Variants in CDH12 observed in about 807,000 individuals in gnomAD.
The protein encoded by CDH12 is cadherin 12.
CDH12 carries 41 observed loss-of-function variants against 74.1 expected under a neutral mutation model. That is an observed-to-expected ratio of 0.55 (90% confidence interval 0.43 to 0.72). CDH12 has a LOEUF of 0.72. Ranked by LOEUF, CDH12 falls within the 30% of genes least tolerant of loss-of-function variation. The pLI, the probability that CDH12 is intolerant of heterozygous loss-of-function variation, is 0.00. For missense variants in CDH12, 945 were observed against 977.2 expected, an observed-to-expected ratio of 0.97 and a Z score of 0.44; for synonymous variants, 399 against 355.0, an observed-to-expected ratio of 1.12 and a Z score of -1.39.
chr5:22,435,810 G>A (rs1561402425), intron 2 of CDH12, among the ~76,000 whole-genome samples: 3 of 152,040 alleles, frequency 2.0e-5, no homozygotes, highest in South Asian at 4.2e-4. Flanking sequence ...CTCCCAGATC[G>A]ATAAACTGGC....
chr5:22,072,294 T>A (rs1255977440), intron 5 of CDH12, among the ~76,000 whole-genome samples: 1 of 152,138 alleles, frequency 6.6e-6, no homozygotes, highest in African/African-American at 2.4e-5. Context: ...TCTAAGTAGT[T>A]GGCTTTACAC....
intron 1 of CDH12, among the ~76,000 whole-genome samples, chr5:22,515,796 A>C (rs1212554638): frequency 2.0e-5 from 3 of 152,154 alleles, no homozygotes; most frequent in Non-Finnish European, 4.4e-5. Context: ...TCAAAGTGTA[A>C]GACTGTTGAT....
chr5:21,825,960 G>T (rs1579776961), intron 8 of CDH12, among the ~76,000 whole-genome samples: 1 of 152,080 alleles, frequency 6.6e-6, no homozygotes, highest in East Asian at 1.9e-4. Flanking sequence ...AAATGCTTTA[G>T]CCCAGGGACC....
At chr5:22,137,323 T>C (rs990921993) in intron 4 of CDH12, among the ~76,000 whole-genome samples, 3 of 152,040 alleles carry the variant, frequency 2.0e-5, no homozygotes, top group Non-Finnish European at 4.4e-5. Context: ...AGCTTTGTCT[T>C]ATAGTTATAA....
At chr5:22,343,311 CAG>C (rs1491171893) in intron 3 of CDH12, among the ~76,000 whole-genome samples, 33,973 of 122,136 alleles carry the variant, frequency 0.28, 4,561 homozygotes, top group Non-Finnish European at 0.3. Flanking sequence ...CACACACACA[CAG>C]ACACACACAC....
chr5:22,135,157 A>G (rs1746383665), intron 4 of CDH12, among the ~76,000 whole-genome samples: 1 of 150,498 alleles, frequency 6.6e-6, no homozygotes, highest in Non-Finnish European at 1.5e-5. Flanking sequence ...GGATGCTGTG[A>G]GACTGTTTAA....
intron 5 of CDH12, among the ~76,000 whole-genome samples, chr5:22,010,965 CA>C: frequency 6.6e-6 from 1 of 151,966 alleles, no homozygotes; most frequent in Non-Finnish European, 1.5e-5. Flanking sequence ...TCCCTCTGAG[CA>C]AAGGTGAGAT....
intron 1 of CDH12, among the ~76,000 whole-genome samples, chr5:22,535,988 C>T (rs2126711843): frequency 6.6e-6 from 1 of 152,234 alleles, no homozygotes; most frequent in East Asian, 1.9e-4. Flanking sequence ...TTTACATTGT[C>T]TTAGGTATTA....
intron 11 of CDH12, among the ~76,000 whole-genome samples, chr5:21,780,800 G>T (rs548443304): frequency 2.0e-5 from 3 of 152,080 alleles, no homozygotes; most frequent in African/African-American, 7.2e-5. Context: ...CTTATAAAAC[G>T]AAAGTGGATT....
chr5:22,557,477 A>T (rs2126743261), intron 1 of CDH12, among the ~76,000 whole-genome samples: 1 of 152,216 alleles, frequency 6.6e-6, no homozygotes, highest in African/African-American at 2.4e-5. Flanking sequence ...CAATTCTGGC[A>T]AAGATAATGT....
At chr5:22,394,378 GA>G (rs1742368224) in intron 3 of CDH12, among the ~76,000 whole-genome samples, 4 of 152,092 alleles carry the variant, frequency 2.6e-5, no homozygotes, top group Admixed American at 2.6e-4. Flanking sequence ...TAATATGACA[GA>G]AAATTGCAGG....
intron 4 of CDH12, among the ~76,000 whole-genome samples, chr5:22,127,001 G>A (rs185254912): frequency 6.6e-6 from 1 of 152,046 alleles, no homozygotes; most frequent in Admixed American, 6.6e-5. Context: ...GTTAAAAGAG[G>A]GACTTCTGGC....
intron 9 of CDH12, 40 bp downstream of exon 9, chr5:21,816,905 A>G: frequency 2.5e-6 from 3 of 1,218,740 alleles, no homozygotes; most frequent in South Asian, 1.6e-5. Flanking sequence ...TTCTTTAATT[A>G]TTATTTAGTA....
At position 21,912,951 on chromosome 5, in the gene CDH12, T is replaced by C. The variant is rs1753927470; in HGVS notation, c.527-58161A>G. 2.0e-5 allele frequency among the ~76,000 whole-genome samples: 3 copies of C among 152,170 alleles called. No individual in the cohort carries two copies. The South Asian group carries it at 6.2e-4, about 32-fold the overall frequency. On this transcript the variant is annotated intron_variant, in intron 6 of 14. Coordinates refer to ENST00000382254, the MANE Select transcript of CDH12 (RefSeq NM_004061.5). ...TCCACCTCCTGGGTTCAAGCAATTCTTGAGCCTTAGCCTCCCAAGAAGCTG... is the reference window on the plus strand; with the variant it reads ...TCCACCTCCTGGGTTCAAGCAATTCCTGAGCCTTAGCCTCCCAAGAAGCTG...
At chr5:21,978,205 G>A (rs531124229) in intron 5 of CDH12, among the ~76,000 whole-genome samples, 1 of 152,174 alleles carries the variant, frequency 6.6e-6, no homozygotes, top group South Asian at 2.1e-4. Context: ...GCAGTGGCGT[G>A]ATCTCGGCTC....
chr5:21,907,299 G>C (rs7448193), intron 6 of CDH12, among the ~76,000 whole-genome samples: 98,756 of 152,054 alleles, frequency 0.65, 35,767 homozygotes, highest in Non-Finnish European at 0.79. Context: ...GGAGTGGGCA[G>C]CAGCACAAAG....
chr5:21,886,525 T>C (rs1307032706), intron 6 of CDH12, among the ~76,000 whole-genome samples: 1 of 146,612 alleles, frequency 6.8e-6, no homozygotes, highest in Non-Finnish European at 1.5e-5. Flanking sequence ...TTACATATAT[T>C]ATTATATTAT....
chr5:22,849,292 T>C lies in CDH12; in HGVS notation c.-523+3766A>G, dbSNP rs1737445328. On this transcript the variant is annotated intron_variant, in intron 1 of 14. Transcript: ENST00000382254. ...TCCTTAAACTATGGTTTCAAACAAT[T>C]GTCTGACTCAAGTTTTGAACTTTCC... Among the ~76,000 whole-genome samples, 5 of 152,298 alleles carry C rather than the reference T, an allele frequency of 3.3e-5. No individual in the cohort carries two copies. The South Asian group carries it at 1.0e-3, about 32-fold the overall frequency.
At chr5:22,168,257 A>T (rs994199624) in intron 4 of CDH12, among the ~76,000 whole-genome samples, 5 of 152,082 alleles carry the variant, frequency 3.3e-5, no homozygotes, top group African/African-American at 1.2e-4. Context: ...ATCAAAATTA[A>T]AATTATGTGA....
Sources: allele counts gnomAD v4.1 joint callset (sites outside exome capture counted in the v4.1 genomes callset), GRCh38; gene constraint gnomAD v4.1.1; transcripts MANE v1.5; gene names NCBI Gene and HGNC (gene_info 2026-07-23, HGNC 2026-07-21).